TTC8: variants seen among roughly 807,000 people sequenced by gnomAD.
TTC8 encodes tetratricopeptide repeat protein 8.
In TTC8, 47 loss-of-function variants were observed where a neutral mutation model predicts 72.5. The observed-to-expected ratio is 0.65, with a 90% CI of 0.51 to 0.83. The LOEUF is 0.83. TTC8 is among the 40% of genes least tolerant of loss of function. The pLI is 0.00. For missense variants in TTC8, 611 were observed against 623.2 expected, an observed-to-expected ratio of 0.98 and a Z score of 0.21; for synonymous variants, 199 against 221.4, an observed-to-expected ratio of 0.90 and a Z score of 0.90.
chr14:88,841,642 T>C (rs1475687595), intron 6 of TTC8, 128 bp downstream of exon 6: 3 of 821,498 alleles, frequency 3.7e-6, no homozygotes, highest in Non-Finnish European at 2.0e-6. Context: ...ATGTTTTATA[T>C]GTAAAATTAC....
chr14:88,842,877 C>CAGT (rs1425946509), intron 6 of TTC8, among the ~76,000 whole-genome samples: 2 of 151,946 alleles, frequency 1.3e-5, no homozygotes, highest in African/African-American at 4.8e-5. Flanking sequence ...ATTTTCATGG[C>CAGT]AGTAGTAGCA....
rs377217810 is a variant in TTC8 at position 88,837,266 on chromosome 14, A to G, written c.145-2186A>G. On this transcript the variant is annotated intron_variant, in intron 2 of 14. Transcript: ENST00000380656. The stretch of plus-strand genomic sequence containing the variant: ...CTCAATTCTCCTAGAGTTTCCAAAC[A>G]TGCCATAGGCTCTCTAGCTAGCCTG... Among the ~76,000 whole-genome samples, 20 of 152,178 alleles carry G rather than the reference A, an allele frequency of 1.3e-4. 1 individual carries two copies. In the South Asian group the frequency reaches 4.1e-3, roughly 32 times the overall value.
intron 1 of TTC8, 79 bp downstream of exon 1, chr14:88,824,900 G>T: frequency 7.4e-7 from 1 of 1,344,164 alleles, no homozygotes; most frequent in Non-Finnish European, 1.0e-6. Flanking sequence ...CCCCGGGTTG[G>T]GAGGCCGGGG....
chr14:88,843,348 C>A (rs564549138), intron 6 of TTC8, among the ~76,000 whole-genome samples: 7 of 152,166 alleles, frequency 4.6e-5, no homozygotes, highest in Non-Finnish European at 1.0e-4. Context: ...CATAGAGTTA[C>A]TATGAATACC....
At chr14:88,872,556 A>C (rs1268322201) in intron 13 of TTC8, 104 bp downstream of exon 13, 1 of 1,514,366 alleles carries the variant, frequency 6.6e-7, no homozygotes, top group African/African-American at 1.4e-5. Context: ...TGAGCTCTAG[A>C]ATCTGACAGG....
chr14:88,869,172 G>A lies in TTC8; in HGVS notation c.910-887G>A, dbSNP rs1046436220. On this transcript the variant is annotated intron_variant, in intron 10 of 14. Transcript: ENST00000380656. ...AGCTATGTGAAGTGAAGGCATTAGG[G>A]AAATCTTCATGAAGGATGTGGAGCC... Among the ~76,000 whole-genome samples, 24 of 152,206 alleles carry A rather than the reference G, an allele frequency of 1.6e-4. 1 individual carries two copies. Among genetic ancestry groups the A allele is most frequent in the Admixed American group, 1.5e-3 (23 of 15,276 alleles).
intron 9 of TTC8, among the ~76,000 whole-genome samples, chr14:88,859,810 T>C (rs1336941343): frequency 2.0e-5 from 2 of 100,536 alleles, no homozygotes; most frequent in African/African-American, 7.2e-5. Context: ...TATAAAAATA[T>C]AAGATTATAT....
intron 1 of TTC8, among the ~76,000 whole-genome samples, chr14:88,832,370 C>T (rs1422672356): frequency 6.6e-6 from 1 of 152,176 alleles, no homozygotes; most frequent in East Asian, 1.9e-4. Context: ...GCATTGTCTA[C>T]AATCACCTCT....
rs1566839401 is a variant in TTC8 at position 88,843,849 on chromosome 14, CTG to C, written c.624+1_624+2del. The C allele has an allele frequency of 4.4e-6, 7 of 1,586,014 alleles. No individual in the cohort carries two copies. The highest frequency in any genetic ancestry group is 1.3e-5 in the African/African-American group (1 of 74,408). On this transcript the variant is annotated splice_donor_variant and coding_sequence_variant, in exon 7 of 15. Coordinates refer to ENST00000380656, the MANE Select transcript of TTC8 (RefSeq NM_144596.4). LOFTEE classifies it high-confidence loss of function. Reference sequence around the variant, plus strand: ...TTTCATCATGAAAATGATGTTAAGACTGTAAGTTTTGAATTCATGCTATTTTC... The same window carrying C: ...TTTCATCATGAAAATGATGTTAAGACTAAGTTTTGAATTCATGCTATTTTC...
chr14:88,870,513 C>G (rs577751530), intron 11 of TTC8, among the ~76,000 whole-genome samples: 11 of 152,080 alleles, frequency 7.2e-5, no homozygotes, highest in Non-Finnish European at 1.2e-4. Context: ...TCATTGCCTC[C>G]GTTAATACCA....
chr14:88,851,214 G>T (rs2094832100), intron 7 of TTC8, among the ~76,000 whole-genome samples: 2 of 152,140 alleles, frequency 1.3e-5, no homozygotes. Flanking sequence ...GCTTAGAAAG[G>T]ATTTGGGGCA....
intron 8 of TTC8, among the ~76,000 whole-genome samples, chr14:88,853,421 T>G (rs191650494): frequency 1.7e-4 from 26 of 152,326 alleles, no homozygotes; most frequent in African/African-American, 6.3e-4. Context: ...TCAAATCTTT[T>G]TATTTACACT....
chr14:88,877,611 A>T lies in TTC8; in HGVS notation c.*201A>T, dbSNP rs911168929. 1 of 466,108 alleles carries T rather than the reference A, an allele frequency of 2.1e-6. No homozygotes were observed. Among genetic ancestry groups the T allele is most frequent in the Non-Finnish European group, 3.8e-6 (1 of 262,258 alleles). The allele number at this position is 466,108 out of a possible 1,614,324, so 28.9% of individuals were successfully genotyped here. A position where few individuals can be genotyped will look rare whatever the true frequency, so the allele number is the denominator to read the frequency against. The stretch of plus-strand genomic sequence containing the variant: ...AATAGTAACTTTATAAAATAATATT[A>T]TAAAATACAGGATTTAAACCTTTCT... On this transcript the variant is annotated 3_prime_UTR_variant, in exon 15 of 15. Coordinates refer to ENST00000380656, the MANE Select transcript of TTC8 (RefSeq NM_144596.4).
chr14:88,849,123 C>T (rs1443781630), intron 7 of TTC8, among the ~76,000 whole-genome samples: 3 of 151,920 alleles, frequency 2.0e-5, no homozygotes, highest in African/African-American at 4.8e-5. Context: ...TTGATACATG[C>T]GTTGATTAGT....
In TTC8 at chr14:88,877,445, G is replaced by A. The variant is rs2094961894; in HGVS notation, c.*35G>A. 2 of 1,551,770 alleles carry A rather than the reference G, an allele frequency of 1.3e-6. No homozygotes were observed. Among genetic ancestry groups the A allele is most frequent in the Non-Finnish European group, 8.9e-7 (1 of 1,123,538 alleles). ...AGACCACATATGTTCTTATGAAGCA[G>A]CATTATGCAAGGGGAAAAAAGCACT... On this transcript the variant is annotated 3_prime_UTR_variant, in exon 15 of 15. Coordinates refer to ENST00000380656, the MANE Select transcript of TTC8 (RefSeq NM_144596.4).
intron 10 of TTC8, among the ~76,000 whole-genome samples, chr14:88,869,231 T>A (rs1226293905): frequency 6.6e-6 from 1 of 152,236 alleles, no homozygotes; most frequent in Non-Finnish European, 1.5e-5. Context: ...TTGAGAAATA[T>A]AACATTCATT....
intron 11 of TTC8, 120 bp downstream of exon 11, chr14:88,870,318 T>C: frequency 9.3e-7 from 1 of 1,079,088 alleles, no homozygotes; most frequent in African/African-American, 1.6e-5. Context: ...GAAACTCAAA[T>C]GTCAACACTG....
At chr14:88,835,937 A>G (rs2094748616) in intron 2 of TTC8, among the ~76,000 whole-genome samples, 3 of 152,146 alleles carry the variant, frequency 2.0e-5, no homozygotes, top group Non-Finnish European at 4.4e-5. Context: ...AGTTCTTTGA[A>G]AACAGTCTGA....
intron 9 of TTC8, among the ~76,000 whole-genome samples, chr14:88,859,634 A>G (rs12436362): frequency 0.3 from 46,016 of 151,438 alleles, 8,761 homozygotes; most frequent in Non-Finnish European, 0.43. Context: ...TATATAACAA[A>G]CCTGCACATG....
Sources: gnomAD v4.1 joint callset for allele counts (sites outside exome capture counted in the v4.1 genomes callset) on GRCh38, gnomAD v4.1.1 for gene constraint, MANE v1.5 for transcripts, NCBI Gene and HGNC (gene_info 2026-07-23, HGNC 2026-07-21) for gene names.